FAAH2: variants seen among roughly 807,000 people sequenced by gnomAD.
FAAH2 encodes the protein fatty-acid amide hydrolase 2.
Under a neutral mutation model 36.9 loss-of-function variants are expected in FAAH2, and 60 were observed. The ratio of observed to expected loss-of-function variants is 1.63; its 90% CI spans 1.32 to 2.02. The LOEUF (loss-of-function observed/expected upper bound fraction) is 2.02. Among genes scored for constraint, FAAH2 ranks in the 30% most tolerant of loss-of-function variants. The pLI is 0.00. For synonymous variants in FAAH2, 214 were observed against 143.8 expected, an observed-to-expected ratio of 1.49 and a Z score of -3.49; for missense variants, 689 against 397.5, an observed-to-expected ratio of 1.73 and a Z score of -6.23.
intron 7 of FAAH2, chrX:57,393,338 G>T: frequency 1.2e-6 from 1 of 814,970 alleles, no homozygotes. Flanking sequence ...CATCTTTAGA[G>T]CGCTGACAGT....
chrX:57,334,080 G>A (rs2053478706), intron 4 of FAAH2, among the ~76,000 whole-genome samples: 1 of 110,424 alleles, frequency 9.1e-6, no homozygotes, highest in Admixed American at 9.7e-5. Flanking sequence ...GACCAGACTG[G>A]CCAACATGTT....
the FAAH2 span, among the ~76,000 whole-genome samples, chrX:57,203,949 G>C: frequency 1.4e-4 from 15 of 110,996 alleles, no homozygotes; most frequent in Non-Finnish European, 2.3e-4. Flanking sequence ...TGAGGTTGAG[G>C]TGCCACTATA....
chrX:57,390,831 G>T (rs2055148987), intron 7 of FAAH2, among the ~76,000 whole-genome samples: 1 of 110,824 alleles, frequency 9.0e-6, no homozygotes, highest in Admixed American at 9.6e-5. Flanking sequence ...TTTTTCTTTT[G>T]GTTAGATAGT....
intron 3 of FAAH2, among the ~76,000 whole-genome samples, chrX:57,321,314 G>T (rs1239628973): frequency 9.2e-6 from 1 of 109,169 alleles, no homozygotes; most frequent in African/African-American, 3.3e-5. Flanking sequence ...TCACACATTA[G>T]GGCACATTGG....
chrX:57,312,434 A>G (rs1237285887), intron 3 of FAAH2, among the ~76,000 whole-genome samples: 1 of 111,542 alleles, frequency 9.0e-6, no homozygotes, highest in East Asian at 2.8e-4. Flanking sequence ...GCACTTTGGG[A>G]GGCCGAGGCA....
the FAAH2 span, among the ~76,000 whole-genome samples, chrX:57,194,622 G>A: frequency 1.8e-5 from 2 of 110,430 alleles, no homozygotes; most frequent in Non-Finnish European, 1.9e-5. Flanking sequence ...TTGAGGAGCA[G>A]GTGATGTTTG....
intron 2 of FAAH2, among the ~76,000 whole-genome samples, chrX:57,293,100 G>A (rs1461158186): frequency 9.0e-6 from 1 of 111,288 alleles, no homozygotes; most frequent in Non-Finnish European, 1.9e-5. Context: ...CTGTTTAATG[G>A]GTAGTACAGT....
At chrX:57,341,438 G>A (rs200591814) in intron 5 of FAAH2, 48 bp downstream of exon 5, 12 of 1,154,959 alleles carry the variant, frequency 1.0e-5, no homozygotes, top group African/African-American at 3.6e-5. Flanking sequence ...ATAATTCAGA[G>A]CAATTCAGAA....
At chrX:57,205,911 A>G in the FAAH2 span, among the ~76,000 whole-genome samples, 1 of 111,772 alleles carries the variant, frequency 8.9e-6, no homozygotes, top group African/African-American at 3.3e-5. Context: ...ATGTAATTTA[A>G]CAATCCGAGT....
intron 8 of FAAH2, among the ~76,000 whole-genome samples, chrX:57,434,746 A>G (rs980662646): frequency 2.7e-5 from 3 of 111,676 alleles, no homozygotes; most frequent in Non-Finnish European, 5.6e-5. Context: ...AAGCATCTCA[A>G]GTGTAGCAAG....
chrX:57,210,107 G>C, the FAAH2 span, among the ~76,000 whole-genome samples: 1 of 110,546 alleles, frequency 9.0e-6, no homozygotes, highest in Admixed American at 9.6e-5. Flanking sequence ...GCTTCTCAGT[G>C]GTGTAGAGTT....
chrX:57,195,109 C>T, the FAAH2 span, among the ~76,000 whole-genome samples: 1 of 111,215 alleles, frequency 9.0e-6, no homozygotes, highest in South Asian at 3.7e-4. Flanking sequence ...TGACTTCTTT[C>T]TCTCTTGGTA....
chrX:57,332,969 A>G (rs1240195617), intron 4 of FAAH2, among the ~76,000 whole-genome samples: 1 of 111,451 alleles, frequency 9.0e-6, no homozygotes, highest in Non-Finnish European at 1.9e-5. Flanking sequence ...TGAAGGGGTC[A>G]AAGCAGAATA....
intron 2 of FAAH2, among the ~76,000 whole-genome samples, chrX:57,295,511 C>G (rs1037849256): frequency 1.2e-4 from 14 of 112,095 alleles, no homozygotes; most frequent in African/African-American, 4.5e-4. Context: ...CAACTCCAGT[C>G]TACAGTTCCC....
chrX:57,136,971 C>G, the FAAH2 span: 1 of 888,328 alleles, frequency 1.1e-6, no homozygotes. Context: ...CTGAGTGCCT[C>G]TGGTGCTGTC....
chrX:57,407,369 A>C (rs2055591811), intron 7 of FAAH2, among the ~76,000 whole-genome samples: 1 of 111,897 alleles, frequency 8.9e-6, no homozygotes, highest in Non-Finnish European at 1.9e-5. Flanking sequence ...GCCCCCAGGA[A>C]GTTCCCACAT....
At chrX:57,206,951 C>A in the FAAH2 span, among the ~76,000 whole-genome samples, 1 of 111,776 alleles carries the variant, frequency 8.9e-6, no homozygotes, top group Non-Finnish European at 1.9e-5. Flanking sequence ...CCTCCAGTTT[C>A]TCTTTACTCA....
chrX:57,465,898 C>A (rs1205880668), intron 10 of FAAH2, among the ~76,000 whole-genome samples: 2 of 109,106 alleles, frequency 1.8e-5, no homozygotes, highest in South Asian at 7.7e-4. Flanking sequence ...AGCAATAGCA[C>A]AAAGGAATGG....
chrX:57,443,184 T>C (rs1267681018), intron 8 of FAAH2, among the ~76,000 whole-genome samples: 1 of 112,155 alleles, frequency 8.9e-6, no homozygotes, highest in Non-Finnish European at 1.9e-5. Flanking sequence ...GAAGTTCTCC[T>C]GGATAATATC....
Sources: gnomAD v4.1 joint callset for allele counts (sites outside exome capture counted in the v4.1 genomes callset) on GRCh38, gnomAD v4.1.1 for gene constraint, MANE v1.5 for transcripts, NCBI Gene and HGNC (gene_info 2026-07-23, HGNC 2026-07-21) for gene names.